Variants in ATP11A observed in about 807,000 individuals in gnomAD.
The protein encoded by ATP11A is ATPase phospholipid transporting 11A, also known as phospholipid-transporting ATPase IH.
A neutral mutation model predicts 154.4 loss-of-function variants in ATP11A; 81 were observed. The ratio of observed to expected loss-of-function variants is 0.52; its 90% CI spans 0.44 to 0.63. The LOEUF is 0.63. ATP11A is among the 30% of genes least tolerant of loss of function. The probability of loss-of-function intolerance (pLI) is 0.00; values close to 1 mark genes in which losing one functional copy is unlikely to be tolerated. For missense variants in ATP11A, 1,316 were observed against 1,474.3 expected, an observed-to-expected ratio of 0.89 and a Z score of 1.76; for synonymous variants, 623 against 585.9, an observed-to-expected ratio of 1.06 and a Z score of -0.91.
intron 16 of ATP11A, 43 bp from the exon 17 acceptor site, chr13:112,842,233 T>G: frequency 7.1e-7 from 1 of 1,410,624 alleles, no homozygotes; most frequent in South Asian, 1.2e-5. Context: ...AATCTAGTCT[T>G]CCCCATATTG....
chr13:112,811,156 C>T (rs12876145), intron 5 of ATP11A, among the ~76,000 whole-genome samples: 1 of 91,994 alleles, frequency 1.1e-5, no homozygotes, highest in Admixed American at 1.2e-4. Context: ...CCCACTGCCC[C>T]TTCCAACACA....
intron 1 of ATP11A, chr13:112,703,226 T>C (rs282580): frequency 0.84 from 128,081 of 152,194 alleles, 54,201 homozygotes; most frequent in East Asian, 0.96. Context: ...GGGGCCCTCC[T>C]GGGGGGCAGG....
intron 12 of ATP11A, among the ~76,000 whole-genome samples, chr13:112,827,642 C>T (rs1034529496): frequency 6.6e-6 from 1 of 152,222 alleles, no homozygotes; most frequent in Non-Finnish European, 1.5e-5. Context: ...GGAGCAGGTA[C>T]CAGTAAACGG....
chr13:112,829,131 G>A (rs1594815161), intron 12 of ATP11A, among the ~76,000 whole-genome samples: 1 of 152,172 alleles, frequency 6.6e-6, no homozygotes, highest in African/African-American at 2.4e-5. Flanking sequence ...GCTGCCTCCC[G>A]AGCACGAGTG....
intron 1 of ATP11A, among the ~76,000 whole-genome samples, chr13:112,752,404 G>A (rs767090786): frequency 5.9e-5 from 9 of 152,202 alleles, no homozygotes; most frequent in Non-Finnish European, 7.3e-5. Flanking sequence ...TGGGTTCCCG[G>A]GGGTGGAGAG....
At position 112,831,371 on chromosome 13, in the gene ATP11A, G is replaced by A. The variant is rs368488501; in HGVS notation, c.1222-4G>A. The A allele has an allele frequency of 2.3e-5, 37 of 1,613,100 alleles. No individual in the cohort carries two copies. The highest frequency in any genetic ancestry group is 1.3e-4 in the Admixed American group (8 of 59,972). On this transcript the variant is annotated splice_region_variant and splice_polypyrimidine_tract_variant and intron_variant, in intron 12 of 29. Transcript: ENST00000375645. The stretch of plus-strand genomic sequence containing the variant: ...CGCCCTGACTTGCTGTGCCCTGCCC[G>A]CAGGTGGAGTACATCTTCACAGACA...
chr13:112,713,787 G>T (rs559780651), intron 1 of ATP11A, among the ~76,000 whole-genome samples: 2 of 152,146 alleles, frequency 1.3e-5, no homozygotes, highest in Non-Finnish European at 2.9e-5. Context: ...CATGTGTCCA[G>T]TTGAGGGGAA....
intron 28 of ATP11A, among the ~76,000 whole-genome samples, chr13:112,876,992 A>T (rs1037381788): frequency 2.0e-5 from 3 of 152,212 alleles, no homozygotes; most frequent in African/African-American, 7.2e-5. Flanking sequence ...GTTGAAACCG[A>T]TGCCACCAGT....
chr13:112,865,760 A>G (rs7984810), intron 25 of ATP11A, among the ~76,000 whole-genome samples: 50,961 of 152,136 alleles, frequency 0.33, 9,106 homozygotes, highest in East Asian at 0.59. Flanking sequence ...CGTGTTAGCC[A>G]GGATGGTCTC....
intron 1 of ATP11A, among the ~76,000 whole-genome samples, chr13:112,750,896 ATCCTC>A (rs2076675747): frequency 1.3e-5 from 2 of 152,340 alleles, no homozygotes; most frequent in African/African-American, 4.8e-5. Flanking sequence ...ATTTATCATT[ATCCTC>A]TCCTTCATCA....
chr13:112,742,330 C>T (rs546897975), intron 1 of ATP11A, among the ~76,000 whole-genome samples: 1 of 152,122 alleles, frequency 6.6e-6, no homozygotes, highest in African/African-American at 2.4e-5. Flanking sequence ...CCTCCCATGT[C>T]GAGTTGCGCC....
rs2080938890 is a variant in ATP11A at position 112,884,162 on chromosome 13, CCTCTT to C, written c.*2299_*2303del. On this transcript the variant is annotated 3_prime_UTR_variant, in exon 30 of 30. Transcript: ENST00000375645. ...GATTTGATTTTATTCTCTACACACA[CCTCTT>C]CTTTTCTTGGTATTTCTGGTGGCAG... The C allele has an allele frequency of 6.6e-6, 1 of 152,554 alleles. No homozygotes were observed. Among genetic ancestry groups the C allele is most frequent in the African/African-American group, 2.4e-5 (1 of 41,410 alleles). 9.5% of individuals were successfully genotyped at this position (152,554 alleles called of 1,614,324 possible).
chr13:112,825,271 G>A (rs553570034), intron 10 of ATP11A, among the ~76,000 whole-genome samples, 159 bp from the exon 11 acceptor site: 1 of 152,274 alleles, frequency 6.6e-6, no homozygotes, highest in South Asian at 2.1e-4. Context: ...TGGCATGGAC[G>A]CAAGTGCAGA....
At chr13:112,695,111 C>A (rs900705500) in intron 1 of ATP11A, among the ~76,000 whole-genome samples, 6 of 152,168 alleles carry the variant, frequency 3.9e-5, no homozygotes, top group African/African-American at 1.4e-4. Flanking sequence ...TTTGGAGTTT[C>A]TTTTCCTAAT....
chr13:112,763,920 C>T (rs920847076), intron 1 of ATP11A, among the ~76,000 whole-genome samples: 29 of 152,242 alleles, frequency 1.9e-4, no homozygotes, highest in African/African-American at 6.8e-4. Flanking sequence ...TGTGCCCCAA[C>T]CGCCTTGGGC....
intron 1 of ATP11A, among the ~76,000 whole-genome samples, chr13:112,759,168 C>T (rs2076910564): frequency 6.6e-6 from 1 of 152,164 alleles, no homozygotes; most frequent in African/African-American, 2.4e-5. Flanking sequence ...TTCGTGCCTG[C>T]AAGCAAAGGA....
Position 112,857,800 on chromosome 13 carries a change from C to T in ATP11A, c.2419-18C>T. 6.3e-7 allele frequency: 1 copy of T among 1,591,060 alleles called. No individual in the cohort carries two copies. The highest frequency in any genetic ancestry group is 8.6e-7 in the Non-Finnish European group (1 of 1,159,156). ...AGTGAAACAGAGAAGATAAATTCCG[C>T]ATTTCTTTCTTTTGCAGATTGTTAA... On this transcript the variant is annotated intron_variant, in intron 20 of 29. Coordinates refer to ENST00000375645, the MANE Select transcript of ATP11A (RefSeq NM_015205.3).
At chr13:112,708,906 G>A (rs558327499) in intron 1 of ATP11A, among the ~76,000 whole-genome samples, 46 of 152,340 alleles carry the variant, frequency 3.0e-4, no homozygotes, top group African/African-American at 1.0e-3. Flanking sequence ...AATGGGCCTG[G>A]CCAAGGAAGA....
chr13:112,745,797 G>A (rs1447330943), intron 1 of ATP11A: 1 of 152,116 alleles, frequency 6.6e-6, no homozygotes, highest in Admixed American at 6.5e-5. Flanking sequence ...GCATGGAACT[G>A]ACCATCATAG....
Sources: gnomAD v4.1 joint callset for allele counts (sites outside exome capture counted in the v4.1 genomes callset) on GRCh38, gnomAD v4.1.1 for gene constraint, MANE v1.5 for transcripts, NCBI Gene and HGNC (gene_info 2026-07-23, HGNC 2026-07-21) for gene names.